GALNT10: variants seen among roughly 807,000 people sequenced by gnomAD.
GALNT10 encodes polypeptide N-acetylgalactosaminyltransferase 10.
GALNT10 carries 41 observed loss-of-function variants against 75.0 expected under a neutral mutation model. That is an observed-to-expected ratio of 0.55 (90% CI 0.43 to 0.71). GALNT10 has a LOEUF of 0.71. Among genes scored for constraint, GALNT10 ranks in the 30% least tolerant of loss-of-function variants. GALNT10 has a pLI of 0.00. For missense variants in GALNT10, 727 were observed against 818.5 expected (o/e 0.89, Z 1.36); for synonymous variants, 302 against 313.0 (o/e 0.96, Z 0.37).
chr5:154,251,228 C>T (rs1006596502), intron 1 of GALNT10, among the ~76,000 whole-genome samples: 7 of 152,072 alleles, frequency 4.6e-5, no homozygotes, highest in African/African-American at 7.2e-5. Context: ...TTAATAGTAA[C>T]GTTACTTTTA....
At chr5:154,332,156 A>G (rs1754876092) in intron 4 of GALNT10, among the ~76,000 whole-genome samples, 1 of 152,178 alleles carries the variant, frequency 6.6e-6, no homozygotes. Flanking sequence ...ACAGCTGGGC[A>G]GCAGAAAGGG....
chr5:154,274,359 G>C (rs1001442673), intron 1 of GALNT10, among the ~76,000 whole-genome samples: 4 of 152,166 alleles, frequency 2.6e-5, no homozygotes, highest in African/African-American at 9.7e-5. Context: ...GTAAAAACAT[G>C]CTTATGAACA....
intron 1 of GALNT10, among the ~76,000 whole-genome samples, chr5:154,290,413 C>T (rs941953374): frequency 6.6e-6 from 1 of 151,832 alleles, no homozygotes; most frequent in Non-Finnish European, 1.5e-5. Context: ...CTGACCAACT[C>T]TATAATTTTA....
At chr5:154,272,618 A>C (rs1172275927) in intron 1 of GALNT10, among the ~76,000 whole-genome samples, 1 of 152,126 alleles carries the variant, frequency 6.6e-6, no homozygotes, top group Non-Finnish European at 1.5e-5. Context: ...TCCCTCCTGA[A>C]CCTTGCGTTA....
chr5:154,386,050 AT>A (rs1171164534), intron 6 of GALNT10, among the ~76,000 whole-genome samples: 1 of 152,196 alleles, frequency 6.6e-6, no homozygotes, highest in African/African-American at 2.4e-5. Context: ...AAGTACTGTG[AT>A]TTCATTTCAC....
chr5:154,391,256 A>G (rs1178972943), intron 7 of GALNT10, among the ~76,000 whole-genome samples: 1 of 152,228 alleles, frequency 6.6e-6, no homozygotes, highest in Non-Finnish European at 1.5e-5. Context: ...CATCTCTGCT[A>G]AGATCCCTTT....
At chr5:154,216,437 T>C (rs1752872957) in intron 1 of GALNT10, among the ~76,000 whole-genome samples, 2 of 152,084 alleles carry the variant, frequency 1.3e-5, no homozygotes, top group South Asian at 2.1e-4. Flanking sequence ...ATTAAAAAGA[T>C]TTTTTTTAGC....
chr5:154,337,843 A>G (rs886283072), intron 4 of GALNT10: 5 of 1,039,926 alleles, frequency 4.8e-6, no homozygotes, highest in African/African-American at 4.7e-5. Flanking sequence ...GAGCCACTTC[A>G]GCCTCTTGGG....
intron 1 of GALNT10, among the ~76,000 whole-genome samples, chr5:154,284,097 T>G (rs1252693965): frequency 6.6e-6 from 1 of 152,254 alleles, no homozygotes; most frequent in Non-Finnish European, 1.5e-5. Flanking sequence ...TAACTAATAA[T>G]GGTAGCTAGC....
intron 4 of GALNT10, among the ~76,000 whole-genome samples, chr5:154,357,836 C>T (rs1372414610): frequency 6.6e-6 from 1 of 152,144 alleles, no homozygotes; most frequent in Non-Finnish European, 1.5e-5. Context: ...CCACAGGGGC[C>T]GCTCCCTGTG....
intron 1 of GALNT10, among the ~76,000 whole-genome samples, chr5:154,246,172 T>C (rs1023089219): frequency 1.3e-4 from 20 of 152,096 alleles, no homozygotes; most frequent in African/African-American, 4.8e-4. Context: ...TATTCCATGG[T>C]GTATATGTGC....
At chr5:154,203,960 A>T (rs1252756443) in intron 1 of GALNT10, among the ~76,000 whole-genome samples, 1 of 152,324 alleles carries the variant, frequency 6.6e-6, no homozygotes, top group South Asian at 2.1e-4. Context: ...CATAGACACT[A>T]CTTAAACCAA....
At chr5:154,386,649 G>C (rs1313586150) in intron 7 of GALNT10, 2 of 608,374 alleles carry the variant, frequency 3.3e-6, no homozygotes, top group South Asian at 2.0e-5. Context: ...GCTGCCAAAG[G>C]CTGGTCCTCA....
chr5:154,293,799 T>C (rs1384965654), intron 1 of GALNT10, among the ~76,000 whole-genome samples: 1 of 151,772 alleles, frequency 6.6e-6, no homozygotes, highest in Admixed American at 6.6e-5. Flanking sequence ...TACCCAAACA[T>C]CACAAGTCAG....
intron 3 of GALNT10, among the ~76,000 whole-genome samples, chr5:154,325,383 C>T (rs1386924425): frequency 6.6e-6 from 1 of 151,834 alleles, no homozygotes; most frequent in Non-Finnish European, 1.5e-5. Context: ...ATATTTTTAG[C>T]AAAAGAGATA....
At chr5:154,252,327 T>G (rs1238832579) in intron 1 of GALNT10, among the ~76,000 whole-genome samples, 1 of 152,126 alleles carries the variant, frequency 6.6e-6, no homozygotes, top group Non-Finnish European at 1.5e-5. Flanking sequence ...TCAGTTTGCT[T>G]GCCTGAAGCT....
chr5:154,203,538 C>A (rs568254144), intron 1 of GALNT10, among the ~76,000 whole-genome samples: 1 of 152,322 alleles, frequency 6.6e-6, no homozygotes, highest in East Asian at 1.9e-4. Flanking sequence ...TGAGTACCCT[C>A]TACCCATCCT....
intron 3 of GALNT10, among the ~76,000 whole-genome samples, chr5:154,313,069 G>A (rs1217441624): frequency 6.6e-6 from 1 of 152,174 alleles, no homozygotes; most frequent in Non-Finnish European, 1.5e-5. Context: ...AACACTTTGG[G>A]AGGCCGAGGC....
intron 1 of GALNT10, among the ~76,000 whole-genome samples, chr5:154,263,701 C>A (rs756510584): frequency 5.9e-5 from 9 of 152,142 alleles, no homozygotes; most frequent in Non-Finnish European, 1.0e-4. Flanking sequence ...TGTGCCCTTA[C>A]ATAGTAGAAA....
Sources: allele counts gnomAD v4.1 joint callset (sites outside exome capture counted in the v4.1 genomes callset), GRCh38; gene constraint gnomAD v4.1.1; transcripts MANE v1.5; gene names NCBI Gene and HGNC (gene_info 2026-07-23, HGNC 2026-07-21).